Variants in MACROD2 observed in about 807,000 individuals in gnomAD.
The protein encoded by MACROD2 is ADP-ribose glycohydrolase MACROD2.
A neutral mutation model predicts 70.4 loss-of-function variants in MACROD2; 36 were observed. The observed-to-expected ratio is 0.51, with a 90% CI of 0.39 to 0.68. MACROD2 has a LOEUF of 0.68. MACROD2 is among the 30% of genes least tolerant of loss of function. MACROD2 has a pLI of 0.00. For synonymous variants in MACROD2, 172 were observed against 178.8 expected (o/e 0.96, Z 0.30); for missense variants, 496 against 538.4 (o/e 0.92, Z 0.78).
intron 8 of MACROD2, among the ~76,000 whole-genome samples, chr20:15,583,313 G>C (rs1183966611): frequency 6.6e-6 from 1 of 152,184 alleles, no homozygotes. Flanking sequence ...GTGAAAAACG[G>C]AGAAAGTATA....
At chr20:15,338,479 G>C (rs1455344947) in intron 6 of MACROD2, among the ~76,000 whole-genome samples, 2 of 151,150 alleles carry the variant, frequency 1.3e-5, no homozygotes, top group African/African-American at 4.9e-5. Context: ...CTTAGGTCTG[G>C]GTATCAATCA....
At chr20:15,679,161 T>C (rs973340134) in intron 8 of MACROD2, among the ~76,000 whole-genome samples, 5 of 146,310 alleles carry the variant, frequency 3.4e-5, no homozygotes, top group Non-Finnish European at 5.9e-5. Context: ...CGCTGGAACC[T>C]GGGAGGTGGA....
At chr20:15,806,015 G>C (rs1031257957) in intron 8 of MACROD2, among the ~76,000 whole-genome samples, 2 of 152,098 alleles carry the variant, frequency 1.3e-5, no homozygotes, top group African/African-American at 4.8e-5. Context: ...ATCAGAATAG[G>C]GCTCATTTCT....
intron 5 of MACROD2, among the ~76,000 whole-genome samples, chr20:14,857,155 TTCTC>T (rs1184832862): frequency 6.6e-6 from 1 of 152,174 alleles, no homozygotes; most frequent in Non-Finnish European, 1.5e-5. Context: ...GTTATCCCTA[TTCTC>T]TCTCTGTTCT....
chr20:15,944,424 A>G (rs928070449), intron 12 of MACROD2, among the ~76,000 whole-genome samples: 1 of 137,200 alleles, frequency 7.3e-6, no homozygotes, highest in African/African-American at 2.5e-5. Context: ...GGGTTTTTTT[A>G]GGGTATTCTG....
At chr20:15,220,160 T>TA (rs1201956610) in intron 5 of MACROD2, among the ~76,000 whole-genome samples, 1 of 152,206 alleles carries the variant, frequency 6.6e-6, no homozygotes, top group Non-Finnish European at 1.5e-5. Flanking sequence ...TTCAGCTCTA[T>TA]AAAATGTATG....
At chr20:14,733,774 T>G (rs1032262760) in intron 5 of MACROD2, among the ~76,000 whole-genome samples, 1 of 152,122 alleles carries the variant, frequency 6.6e-6, no homozygotes, top group Non-Finnish European at 1.5e-5. Context: ...GGGGTAAAAT[T>G]ATAAATGAAG....
At chr20:14,288,646 T>C (rs370287662) in intron 3 of MACROD2, among the ~76,000 whole-genome samples, 1 of 152,202 alleles carries the variant, frequency 6.6e-6, no homozygotes, top group Non-Finnish European at 1.5e-5. Flanking sequence ...TTTGTTCTTT[T>C]CTGTCATCTC....
At chr20:14,356,414 C>T (rs1415959924) in intron 3 of MACROD2, among the ~76,000 whole-genome samples, 1 of 151,542 alleles carries the variant, frequency 6.6e-6, no homozygotes, top group Non-Finnish European at 1.5e-5. Flanking sequence ...TTATTTAGTC[C>T]ATAAATCTCA....
intron 6 of MACROD2, among the ~76,000 whole-genome samples, chr20:15,270,585 A>C (rs2077337445): frequency 6.6e-6 from 1 of 152,184 alleles, no homozygotes; most frequent in Non-Finnish European, 1.5e-5. Context: ...ACAAAGGACA[A>C]AAGTCAATTT....
chr20:15,408,496 C>T (rs1380257492), intron 6 of MACROD2, among the ~76,000 whole-genome samples: 1 of 152,204 alleles, frequency 6.6e-6, no homozygotes, highest in Non-Finnish European at 1.5e-5. Context: ...TGCAAAGTCA[C>T]ATGTTCTCTT....
chr20:14,090,091 C>T (rs964565964), intron 3 of MACROD2, among the ~76,000 whole-genome samples: 9 of 152,098 alleles, frequency 5.9e-5, no homozygotes, highest in South Asian at 2.1e-4. Context: ...TGTCAAAAAC[C>T]GAAAATTGAT....
intron 3 of MACROD2, among the ~76,000 whole-genome samples, chr20:14,090,592 C>G (rs1237006766): frequency 1.3e-5 from 2 of 151,814 alleles, no homozygotes; most frequent in East Asian, 1.9e-4. Flanking sequence ...AAAAAGAACC[C>G]CCTCATGCTG....
chr20:15,472,713 T>C (rs1046342489), intron 7 of MACROD2, among the ~76,000 whole-genome samples: 2 of 152,162 alleles, frequency 1.3e-5, no homozygotes, highest in Admixed American at 1.3e-4. Context: ...TTCCTATCAT[T>C]TCAGTACTTG....
intron 8 of MACROD2, among the ~76,000 whole-genome samples, chr20:15,794,398 C>A (rs1284823939): frequency 1.3e-5 from 2 of 152,094 alleles, no homozygotes; most frequent in African/African-American, 4.8e-5. Context: ...AATTTGAATC[C>A]CTGTCTTGCC....
intron 12 of MACROD2, among the ~76,000 whole-genome samples, chr20:15,945,857 G>A (rs1006398302): frequency 2.0e-5 from 3 of 152,120 alleles, no homozygotes; most frequent in Non-Finnish European, 4.4e-5. Flanking sequence ...GCTGCCTCCC[G>A]TATCATGAAT....
chr20:15,341,060 A>G (rs764119), intron 6 of MACROD2, among the ~76,000 whole-genome samples: 94,297 of 151,984 alleles, frequency 0.62, 29,365 homozygotes, highest in East Asian at 0.75. Context: ...TATATTATGG[A>G]AAGAGAGGTT....
rs188004284 is a variant in MACROD2 at position 14,100,358 on chromosome 20, T to C, written c.271+14630T>C. On this transcript the variant is annotated intron_variant, in intron 3 of 17. Transcript: ENST00000684519. ...AGTCACATTCAAAATAGGTTGATAT[T>C]AATAGTTTGCTTTTGCATCGTAGAT... Among the ~76,000 whole-genome samples the C allele has an allele frequency of 6.3e-4, 96 of 151,640 alleles. 1 individual carries two copies. The highest frequency in any genetic ancestry group is 2.1e-3 in the African/African-American group (89 of 41,492).
At chr20:14,144,380 CCTT>C (rs1334124500) in intron 3 of MACROD2, among the ~76,000 whole-genome samples, 1 of 152,102 alleles carries the variant, frequency 6.6e-6, no homozygotes, top group South Asian at 2.1e-4. Flanking sequence ...GGCTATCTGA[CCTT>C]CTAGGTTTTC....
Sources: gnomAD v4.1 joint callset for allele counts (sites outside exome capture counted in the v4.1 genomes callset) on GRCh38, gnomAD v4.1.1 for gene constraint, MANE v1.5 for transcripts, NCBI Gene and HGNC (gene_info 2026-07-23, HGNC 2026-07-21) for gene names.